Variants in MICAL1 observed in about 807,000 individuals in gnomAD.
The protein encoded by MICAL1 is microtubule associated monooxygenase, calponin and LIM domain containing 1, also known as [F-actin]-monooxygenase MICAL1.
In MICAL1, 95 loss-of-function variants were observed where a neutral mutation model predicts 131.8. The observed-to-expected ratio is 0.72, with a 90% CI of 0.61 to 0.86. The LOEUF (loss-of-function observed/expected upper bound fraction) is 0.86. MICAL1 is among the 40% of genes least tolerant of loss of function. The pLI is 0.00. For missense variants in MICAL1, 1,292 were observed against 1,380.6 expected (o/e 0.94, Z 1.02); for synonymous variants, 546 against 554.2 (o/e 0.99, Z 0.21).
chr6:109,461,477 T>C, intron 1 of MICAL1, among the ~76,000 whole-genome samples: 1 of 152,190 alleles, frequency 6.6e-6, no homozygotes. Flanking sequence ...AGGTGGCACA[T>C]GCTTGTAATC....
At position 109,449,970 on chromosome 6, in the gene MICAL1, C is replaced by T. The variant is rs771496601; in HGVS notation, c.1307G>A (p.Arg436His). The change falls in exon 9 of 25, where the codon CGT becomes CAT. Residue 436 changes from arginine (R) to histidine (H), a missense_variant and splice_region_variant. Physicochemically the swap from Arg to His is conservative, Grantham distance 29 (BLOSUM62 0). Coordinates refer to ENST00000358807, the MANE Select transcript of MICAL1 (RefSeq NM_022765.4). ...GAESLEVLAE[R>H]ESLYQLLSQT... ...ACATCCTCCTCAACTCAGGTCTTAC[C>T]GCTCAGCCAACACCTCTAGGGACTC... is the stretch of plus-strand genomic sequence containing the variant. The T allele has an allele frequency of 1.1e-5, 17 of 1,613,528 alleles. No homozygotes were observed. Among genetic ancestry groups the T allele is most frequent in the Middle Eastern group, 1.6e-4 (1 of 6,080 alleles).
At chr6:109,449,308 T>C (rs766360270) in intron 11 of MICAL1, 92 bp downstream of exon 11, 3 of 1,362,662 alleles carry the variant, frequency 2.2e-6, no homozygotes, top group South Asian at 2.3e-5. Flanking sequence ...ACGCTGCTCC[T>C]GTCCTGAGGC....
At chr6:109,465,710 A>G in exon 1 of MICAL1, 1 of 1,606,540 alleles carries the variant, frequency 6.2e-7, no homozygotes, top group Non-Finnish European at 8.5e-7. Flanking sequence ...GGAGGGCATT[A>G]TAAACATCAG....
At position 109,449,439 on chromosome 6, in the gene MICAL1, T is replaced by A; in HGVS notation, c.1477A>T (p.Arg493Trp). 6.2e-7 allele frequency: 1 copy of A among 1,614,206 alleles called. No individual in the cohort carries two copies. The highest frequency in any genetic ancestry group is 8.5e-7 in the Non-Finnish European group (1 of 1,180,044). ...YDVLAKEPVQ[R>W]NNDKTDTGMP... The stretch of plus-strand genomic sequence containing the variant: ...CCTGTATCTGTCTTGTCGTTGTTCC[T>A]CTGCACAGGCTCCTTGGCTAGCACA... The change falls in exon 11 of 25, where the codon AGG becomes TGG. Residue 493 changes from arginine to tryptophan, a missense_variant. Arg to Trp is a moderately radical substitution (Grantham distance 101, BLOSUM62 -3). Coordinates refer to ENST00000358807, the MANE Select transcript of MICAL1 (RefSeq NM_022765.4).
chr6:109,444,762 C>T lies in MICAL1; in HGVS notation c.3018G>A (p.Gln1006=). 6.2e-7 allele frequency: 1 copy of T among 1,614,162 alleles called. No individual in the cohort carries two copies. The highest frequency in any genetic ancestry group is 8.5e-7 in the Non-Finnish European group (1 of 1,180,038). Residue 1006 remains glutamine, a synonymous_variant, in exon 24 of 25, where the codon CAG becomes CAA. Coordinates refer to ENST00000358807, the MANE Select transcript of MICAL1 (RefSeq NM_022765.4). Reference sequence around the variant, plus strand: ...TGTAGCCTCGTAGCTCCTGGTCCAGCTGCCACTGTTTCTCCTCCAGATTCA... The same window carrying T: ...TGTAGCCTCGTAGCTCCTGGTCCAGTTGCCACTGTTTCTCCTCCAGATTCA... ...QELNLEEKQW[Q]LDQELRGYMN...
At chr6:109,463,071 C>A (rs945578193) in intron 1 of MICAL1, 1 of 152,276 alleles carries the variant, frequency 6.6e-6, no homozygotes, top group Non-Finnish European at 1.5e-5. Flanking sequence ...ACTGCAGCCT[C>A]CGCCTCCTGG....
chr6:109,445,643 A>G, intron 20 of MICAL1, 114 bp from the exon 21 acceptor site: 3 of 1,510,288 alleles, frequency 2.0e-6, no homozygotes, highest in Non-Finnish European at 2.7e-6. Flanking sequence ...TCTGGTAGAA[A>G]AGGTAGAGGC....
chr6:109,452,784 G>A (rs1224177716), intron 4 of MICAL1, among the ~76,000 whole-genome samples, 169 bp from the exon 5 acceptor site: 2 of 152,210 alleles, frequency 1.3e-5, no homozygotes, highest in Non-Finnish European at 1.5e-5. Flanking sequence ...GAAGGCAGGT[G>A]AGGAAGGAAG....
At chr6:109,449,268 A>G (rs753267593) in intron 11 of MICAL1, 132 bp downstream of exon 11, 8 of 1,011,064 alleles carry the variant, frequency 7.9e-6, no homozygotes, top group African/African-American at 1.6e-5. Context: ...GCCCCCAACC[A>G]ACCCACCAGC....
chr6:109,452,800 T>C (rs548380672), intron 4 of MICAL1, among the ~76,000 whole-genome samples, 185 bp from the exon 5 acceptor site: 10 of 152,332 alleles, frequency 6.6e-5, no homozygotes, highest in African/African-American at 2.4e-4. Context: ...GGAAGTGTTA[T>C]TCTTGTTTTG....
chr6:109,447,504 A>T, intron 15 of MICAL1, 64 bp from the exon 16 acceptor site: 1 of 1,550,036 alleles, frequency 6.5e-7, no homozygotes, highest in Non-Finnish European at 8.8e-7. Context: ...GGGGATGCGT[A>T]CAGATGAACA....
In MICAL1 at chr6:109,453,612, C is replaced by T. The variant is rs761197743; in HGVS notation, c.466+26G>A. ...GCCTCTAGGCCCAAGCTCACCCGCC[C>T]CTCCAGGCCACCACGTGGTGCTCAC... is the stretch of plus-strand genomic sequence containing the variant. On this transcript the variant is annotated intron_variant, in intron 3 of 24. Transcript: ENST00000358807. 3.8e-6 allele frequency: 6 copies of T among 1,566,810 alleles called. No homozygotes were observed. In the South Asian group the frequency reaches 5.8e-5, roughly 15 times the overall value.
chr6:109,461,819 C>T (rs1468396733), intron 1 of MICAL1, among the ~76,000 whole-genome samples: 1 of 152,000 alleles, frequency 6.6e-6, no homozygotes, highest in Non-Finnish European at 1.5e-5. Flanking sequence ...ATAAGAAATC[C>T]AGCTTAAAGT....
chr6:109,452,954 C>G (rs565000821), intron 4 of MICAL1, among the ~76,000 whole-genome samples: 1 of 151,972 alleles, frequency 6.6e-6, no homozygotes, highest in African/African-American at 2.4e-5. Flanking sequence ...GTCAGTAGTT[C>G]GAGACCAGCC....
chr6:109,455,931 A>C, upstream of MICAL1: 2 of 985,490 alleles, frequency 2.0e-6, no homozygotes, highest in Non-Finnish European at 2.4e-6. The surrounding 1 kb of genome is among the most constrained non-coding windows in gnomAD (Gnocchi z 4.7). Flanking sequence ...TTCGCGACTC[A>C]TTAGCATCTC....
At position 109,465,877 on chromosome 6, in the gene MICAL1, T is replaced by C. The variant is rs756260680; in HGVS notation, c.-200A>G. 19 of 1,614,130 alleles carry C rather than the reference T, an allele frequency of 1.2e-5. No homozygotes were observed. Among genetic ancestry groups the C allele is most frequent in the South Asian group, 1.1e-4 (10 of 91,080 alleles). Reference sequence around the variant, plus strand: ...CAGCTCTGCTCCTGGCCAAGTGGCGTTGGCTGGGGCACGTGGTGAGTGGGT... The same window carrying C: ...CAGCTCTGCTCCTGGCCAAGTGGCGCTGGCTGGGGCACGTGGTGAGTGGGT... On this transcript the variant is annotated 5_prime_UTR_variant, in exon 1 of 25. Coordinates refer to the MICAL1 transcript ENST00000630715.
intron 18 of MICAL1, 79 bp downstream of exon 18, chr6:109,446,617 C>A: frequency 6.8e-7 from 1 of 1,480,002 alleles, no homozygotes; most frequent in Non-Finnish European, 9.3e-7. Flanking sequence ...CATTCAGTTA[C>A]CCCCAGCAAA....
chr6:109,452,441 G>A (rs774823665), intron 5 of MICAL1, 40 bp from the exon 6 acceptor site: 20 of 1,611,574 alleles, frequency 1.2e-5, no homozygotes, highest in Non-Finnish European at 1.7e-5. Context: ...GGAGGAGGGG[G>A]TTATAACAAT....
Position 109,446,126 on chromosome 6 carries a change from G to A in MICAL1, c.2581+10C>T. On this transcript the variant is annotated intron_variant, in intron 19 of 24. Transcript: ENST00000358807. Reference sequence around the variant, plus strand: ...CACCCTGGGTCAGCACATCTGTGAGGATGGGTTACCTTGAGGGCTCTGGAC... The same window carrying A: ...CACCCTGGGTCAGCACATCTGTGAGAATGGGTTACCTTGAGGGCTCTGGAC... 1 of 1,534,552 alleles carries A rather than the reference G, an allele frequency of 6.5e-7. No individual in the cohort carries two copies. The highest frequency in any genetic ancestry group is 1.4e-5 in the African/African-American group (1 of 72,018).
Sources: gnomAD v4.1 joint callset for allele counts (sites outside exome capture counted in the v4.1 genomes callset) on GRCh38, gnomAD v4.1.1 for gene constraint, Gnocchi (gnomAD v3.1) non-coding constraint, MANE v1.5 for transcripts, NCBI Gene and HGNC (gene_info 2026-07-23, HGNC 2026-07-21) for gene names.